Variants in FUNDC1 observed in about 807,000 individuals in gnomAD.
The protein encoded by FUNDC1 is FUN14 domain-containing protein 1.
FUNDC1 carries 10 observed loss-of-function variants against 14.5 expected under a neutral mutation model. The observed-to-expected ratio is 0.69, with a 90% CI of 0.43 to 1.17. FUNDC1 has a LOEUF of 1.17. Among genes scored for constraint, FUNDC1 ranks in the 50% most tolerant of loss-of-function variants. The pLI is 0.00. For synonymous variants in FUNDC1, 33 were observed against 39.7 expected, an observed-to-expected ratio of 0.83 and a Z score of 0.64; for missense variants, 115 against 113.8, an observed-to-expected ratio of 1.01 and a Z score of -0.05.
intron 3 of FUNDC1, among the ~76,000 whole-genome samples, chrX:44,528,947 G>A (rs750191531): frequency 3.6e-5 from 4 of 110,881 alleles, no homozygotes; most frequent in African/African-American, 6.5e-5. Context: ...CACCCGCCTC[G>A]GCCTCCCAAA....
At chrX:44,533,827 A>G (rs75167530) in intron 3 of FUNDC1, among the ~76,000 whole-genome samples, 15,259 of 108,220 alleles carry the variant, frequency 0.14, 1,790 homozygotes, top group African/African-American at 0.38. Flanking sequence ...ACTTTGGGAG[A>G]CCGAGGTGGG....
intron 3 of FUNDC1, among the ~76,000 whole-genome samples, chrX:44,531,315 GACACAC>G (rs766982993): frequency 0.089 from 1,657 of 18,694 alleles, 86 homozygotes; most frequent in Admixed American, 0.15. Context: ...ATGTTGGCCA[GACACAC>G]ACACACACAC....
Position 44,538,543 on chromosome X carries a change from C to A in FUNDC1, c.186-1G>T. ...TTTCTGGAACAGAAATCCTGCACAC[C>A]TTTAATCAAATAACAAAAGATGAAA... On this transcript the variant is annotated splice_acceptor_variant, in intron 2 of 4. Coordinates refer to ENST00000378045, the MANE Select transcript of FUNDC1 (RefSeq NM_173794.4). LOFTEE classifies it high-confidence loss of function. The A allele has an allele frequency of 8.4e-7, 1 of 1,185,130 alleles. No individual in the cohort carries two copies. Among genetic ancestry groups the A allele is most frequent in the Non-Finnish European group, 1.1e-6 (1 of 871,997 alleles).
intron 4 of FUNDC1, among the ~76,000 whole-genome samples, chrX:44,526,867 TA>T (rs937300647): frequency 9.0e-6 from 1 of 110,709 alleles, no homozygotes; most frequent in African/African-American, 3.3e-5. Flanking sequence ...TTAATCATAT[TA>T]AAAAAACATA....
chrX:44,533,333 A>T (rs913336646), intron 3 of FUNDC1, among the ~76,000 whole-genome samples: 2 of 111,103 alleles, frequency 1.8e-5, no homozygotes. Context: ...AATCTCTTAA[A>T]AAAACAGTAT....
chrX:44,537,277 T>C (rs2038952872), intron 3 of FUNDC1, among the ~76,000 whole-genome samples: 1 of 111,966 alleles, frequency 8.9e-6, no homozygotes, highest in African/African-American at 3.2e-5. Flanking sequence ...TATACACTTC[T>C]CTCCATTCTG....
intron 2 of FUNDC1, 111 bp downstream of exon 2, chrX:44,541,832 TGG>T: frequency 3.3e-6 from 2 of 613,933 alleles, no homozygotes; most frequent in Non-Finnish European, 2.4e-6. Context: ...AAGCCTCTTC[TGG>T]AATTAACAGT....
intron 2 of FUNDC1, among the ~76,000 whole-genome samples, chrX:44,541,560 G>C (rs1187516940): frequency 3.6e-5 from 4 of 111,569 alleles, no homozygotes; most frequent in African/African-American, 1.3e-4. Flanking sequence ...TTCTACCGTG[G>C]GAGTTTCTTA....
At chrX:44,535,422 C>T (rs1420898961) in intron 3 of FUNDC1, among the ~76,000 whole-genome samples, 2 of 109,963 alleles carry the variant, frequency 1.8e-5, no homozygotes, top group Admixed American at 2.0e-4. Flanking sequence ...AATCCCAGAA[C>T]TTTGGGAGGC....
chrX:44,541,907 C>A, intron 2 of FUNDC1, 38 bp downstream of exon 2: 1 of 1,169,996 alleles, frequency 8.5e-7, no homozygotes. Flanking sequence ...AGTGTCAGGC[C>A]CCCAAATGAA....
intron 3 of FUNDC1, among the ~76,000 whole-genome samples, chrX:44,536,142 T>C (rs7878371): frequency 0.1 from 10,906 of 108,830 alleles, 467 homozygotes; most frequent in Middle Eastern, 0.18. Context: ...TGAAACCCCA[T>C]CTCTACTAAA....
At chrX:44,530,587 CAG>C (rs2038918440) in intron 3 of FUNDC1, among the ~76,000 whole-genome samples, 1 of 106,499 alleles carries the variant, frequency 9.4e-6, no homozygotes. Context: ...GCCTGGGCAA[CAG>C]AGTGAGACAC....
At chrX:44,542,437 T>C (rs1316685410) in intron 1 of FUNDC1, 8 of 369,273 alleles carry the variant, frequency 2.2e-5, no homozygotes, top group Non-Finnish European at 3.7e-5. Context: ...TCCATTTTCA[T>C]CAGTGGGAGG....
chrX:44,524,107 A>G lies in FUNDC1; in HGVS notation c.*91T>C, dbSNP rs1467143090. 6.7e-6 allele frequency: 4 copies of G among 598,007 alleles called. No individual in the cohort carries two copies. In the Admixed American group the frequency reaches 1.0e-4, roughly 15 times the overall value. The allele number at this position is 598,007 out of a possible 1,213,427, so 49.3% of individuals were successfully genotyped here. A position where few individuals can be genotyped will look rare whatever the true frequency, so the allele number is the denominator to read the frequency against. ...AGCTAGTTGTTTCTCCTTGCCCTAGAGACTCTGGCAGTATGACTTTTGAGA... is the reference window on the plus strand; with the variant it reads ...AGCTAGTTGTTTCTCCTTGCCCTAGGGACTCTGGCAGTATGACTTTTGAGA... On this transcript the variant is annotated 3_prime_UTR_variant, in exon 5 of 5. Coordinates refer to ENST00000378045, the MANE Select transcript of FUNDC1 (RefSeq NM_173794.4).
At chrX:44,539,234 C>CA (rs1167007093) in intron 2 of FUNDC1, among the ~76,000 whole-genome samples, 1 of 112,044 alleles carries the variant, frequency 8.9e-6, no homozygotes, top group African/African-American at 3.2e-5. Flanking sequence ...ACATTCCCTT[C>CA]AGCATTCCAG....
chrX:44,538,259 C>T (rs2038956347), intron 3 of FUNDC1, among the ~76,000 whole-genome samples: 1 of 112,768 alleles, frequency 8.9e-6, no homozygotes, highest in African/African-American at 3.2e-5. Flanking sequence ...GCTGGGATTA[C>T]AGGCGTGAGC....
At chrX:44,536,327 A>T (rs954419889) in intron 3 of FUNDC1, among the ~76,000 whole-genome samples, 2 of 109,532 alleles carry the variant, frequency 1.8e-5, no homozygotes, top group Admixed American at 9.9e-5. Flanking sequence ...TCGAAAAAAA[A>T]AAAAAAAAAA....
At chrX:44,531,765 AACACAC>A (rs143142516) in intron 3 of FUNDC1, among the ~76,000 whole-genome samples, 1,086 of 87,253 alleles carry the variant, frequency 0.012, 20 homozygotes, top group African/African-American at 0.039. Context: ...AGAAGCTTAA[AACACAC>A]ACACACACAC....
intron 3 of FUNDC1, among the ~76,000 whole-genome samples, chrX:44,531,247 A>AACACACAC (rs759868973): frequency 9.9e-5 from 5 of 50,405 alleles, no homozygotes; most frequent in Non-Finnish European, 1.6e-4. Context: ...TTTCCAGAAA[A>AACACACAC]ACACACACAC....
Sources: gnomAD v4.1 joint callset for allele counts (sites outside exome capture counted in the v4.1 genomes callset) on GRCh38, gnomAD v4.1.1 for gene constraint, MANE v1.5 for transcripts, NCBI Gene and HGNC (gene_info 2026-07-23, HGNC 2026-07-21) for gene names.